FOXJ3: variants seen among roughly 807,000 people sequenced by gnomAD.
FOXJ3 encodes the protein forkhead box protein J3.
In FOXJ3, 22 loss-of-function variants were observed where a neutral mutation model predicts 76.1. That is an observed-to-expected ratio of 0.29 (90% CI 0.21 to 0.41). The LOEUF is 0.41. Among genes scored for constraint, FOXJ3 ranks in the 10% least tolerant of loss-of-function variants. FOXJ3 has a pLI of 1.00. For synonymous variants in FOXJ3, 269 were observed against 261.2 expected (o/e 1.03, Z -0.29); for missense variants, 613 against 762.1 (o/e 0.80, Z 2.30).
At chr1:42,223,754 T>G (rs1647329125) in intron 5 of FOXJ3, among the ~76,000 whole-genome samples, 1 of 152,232 alleles carries the variant, frequency 6.6e-6, no homozygotes, top group South Asian at 2.1e-4. Flanking sequence ...TGGAGGGAAT[T>G]CTGCTTTAAA....
intron 1 of FOXJ3, among the ~76,000 whole-genome samples, chr1:42,333,288 T>C (rs1351204682): frequency 6.6e-6 from 1 of 151,984 alleles, no homozygotes; most frequent in Admixed American, 6.6e-5. Context: ...ATGTACAATG[T>C]GAAAAAGTGA....
Position 42,188,875 on chromosome 1 carries a change from C to T in FOXJ3, c.1507G>A (p.Val503Ile). 6.2e-7 allele frequency: 1 copy of T among 1,612,810 alleles called. No individual in the cohort carries two copies. Residue 503 changes from valine to isoleucine, a missense_variant, in exon 11 of 13, where the codon GTT becomes ATT. Coordinates refer to ENST00000361346, the MANE Select transcript of FOXJ3 (RefSeq NM_014947.5). The part of the protein sequence containing the change: ...ADLKNWSLDQ[V>I]QFADLCSSLN... The stretch of plus-strand genomic sequence containing the variant: ...GAAGAACAAAGATCGGCAAACTGAA[C>T]CTGGTCTAAAGACCAGTTCTTGAGA...
At position 42,177,362 on chromosome 1, in the gene FOXJ3, CAA is replaced by C. The variant is rs1411666740; in HGVS notation, c.*2346_*2347del. On this transcript the variant is annotated 3_prime_UTR_variant, in exon 13 of 13. Coordinates refer to ENST00000361346, the MANE Select transcript of FOXJ3 (RefSeq NM_014947.5). ...TAAAATCATCATCAGTGGTTCTACT[CAA>C]ATCACTCAGTATGAGACTGCATTCC... 1.3e-5 allele frequency: 2 copies of C among 152,664 alleles called. No individual in the cohort carries two copies. Among genetic ancestry groups the C allele is most frequent in the African/African-American group, 4.8e-5 (2 of 41,448 alleles). 9.5% of individuals were successfully genotyped at this position (152,664 alleles called of 1,614,324 possible).
At chr1:42,309,010 A>AAAAAAAAAAAAAAATGC (rs1553169015) in intron 2 of FOXJ3, among the ~76,000 whole-genome samples, 3 of 151,678 alleles carry the variant, frequency 2.0e-5, no homozygotes, top group African/African-American at 4.8e-5. Flanking sequence ...ACAAAAAAAA[A>AAAAAAAAAAAAAAATGC]AAAAAAAATG....
intron 5 of FOXJ3, among the ~76,000 whole-genome samples, chr1:42,210,278 G>A (rs1446408107): frequency 1.3e-5 from 2 of 152,138 alleles, no homozygotes; most frequent in Admixed American, 6.5e-5. Flanking sequence ...GTGCAGACTT[G>A]CTTGACCCGG....
At position 42,178,298 on chromosome 1, in the gene FOXJ3, C is replaced by T. The variant is rs1569728465; in HGVS notation, c.*1412G>A. 6.6e-6 allele frequency: 1 copy of T among 152,134 alleles called. No individual in the cohort carries two copies. Among genetic ancestry groups the T allele is most frequent in the Non-Finnish European group, 1.5e-5 (1 of 68,040 alleles). The allele number at this position is 152,134 out of a possible 1,614,324, so 9.4% of individuals were successfully genotyped here. On this transcript the variant is annotated 3_prime_UTR_variant, in exon 13 of 13. Transcript: ENST00000361346. ...CAACCTAGATGAGTGGGGAAACCTG[C>T]TTTAGAAACCCTGCCCTGCTGTTGT...
At chr1:42,301,166 T>C (rs1270154625) in intron 2 of FOXJ3, among the ~76,000 whole-genome samples, 4 of 152,126 alleles carry the variant, frequency 2.6e-5, no homozygotes, top group Non-Finnish European at 5.9e-5. Flanking sequence ...TTGGATGCTT[T>C]ATACAATCCC....
chr1:42,274,131 A>G (rs1010672030), intron 3 of FOXJ3, among the ~76,000 whole-genome samples: 2 of 152,164 alleles, frequency 1.3e-5, no homozygotes, highest in African/African-American at 4.8e-5. Context: ...GTTCATTGCC[A>G]CACAGGTTTA....
At chr1:42,211,656 C>T (rs901279753) in intron 5 of FOXJ3, among the ~76,000 whole-genome samples, 2 of 152,116 alleles carry the variant, frequency 1.3e-5, no homozygotes, top group African/African-American at 2.4e-5. Context: ...TTTAAATGCA[C>T]GCCACTGGGG....
intron 8 of FOXJ3, among the ~76,000 whole-genome samples, chr1:42,192,641 T>C (rs1646572436): frequency 6.6e-6 from 1 of 152,146 alleles, no homozygotes; most frequent in African/African-American, 2.4e-5. Context: ...ATGTTTGTTC[T>C]CCAAGTAGTT....
At chr1:42,299,923 G>T (rs1654029096) in intron 2 of FOXJ3, among the ~76,000 whole-genome samples, 1 of 151,730 alleles carries the variant, frequency 6.6e-6, no homozygotes, top group African/African-American at 2.4e-5. Context: ...ATATATATAG[G>T]ACAGGCACAG....
At chr1:42,245,223 C>A (rs1649459088) in intron 4 of FOXJ3, among the ~76,000 whole-genome samples, 1 of 150,696 alleles carries the variant, frequency 6.6e-6, no homozygotes, top group African/African-American at 2.4e-5. Flanking sequence ...GATTACAAAG[C>A]CTTCACTGCC....
chr1:42,284,990 T>C (rs1229298125), intron 2 of FOXJ3, among the ~76,000 whole-genome samples: 3 of 152,222 alleles, frequency 2.0e-5, no homozygotes, highest in East Asian at 3.8e-4. Flanking sequence ...ACTAGATCTT[T>C]TGTTTAATGT....
At chr1:42,188,038 C>T (rs772751306) in intron 11 of FOXJ3, among the ~76,000 whole-genome samples, 38 of 152,044 alleles carry the variant, frequency 2.5e-4, no homozygotes, top group Non-Finnish European at 4.7e-4. Context: ...TTAAAGGAAG[C>T]CACTCAGGAT....
chr1:42,182,600 C>T (rs917329504), intron 11 of FOXJ3, among the ~76,000 whole-genome samples: 2 of 152,144 alleles, frequency 1.3e-5, no homozygotes, highest in African/African-American at 2.4e-5. Context: ...TGGGTTCGGG[C>T]GATTCTCCTG....
At chr1:42,328,425 C>T (rs542376637) in intron 1 of FOXJ3, among the ~76,000 whole-genome samples, 3 of 152,188 alleles carry the variant, frequency 2.0e-5, no homozygotes, top group South Asian at 2.1e-4. Context: ...TTGAGTCCCA[C>T]TCTACAAGTA....
intron 1 of FOXJ3, among the ~76,000 whole-genome samples, chr1:42,333,743 G>A (rs2124802088): frequency 6.6e-6 from 1 of 152,204 alleles, no homozygotes; most frequent in Middle Eastern, 3.4e-3. Context: ...CTCAAACCAT[G>A]TTTCAAACCA....
chr1:42,295,588 G>A (rs1054657144), intron 2 of FOXJ3, among the ~76,000 whole-genome samples: 1 of 146,112 alleles, frequency 6.8e-6, no homozygotes, highest in Non-Finnish European at 1.5e-5. Flanking sequence ...GAATGCAGTG[G>A]CGCAATCTTG....
At chr1:42,261,405 GT>G (rs907364152) in intron 4 of FOXJ3, among the ~76,000 whole-genome samples, 1 of 151,624 alleles carries the variant, frequency 6.6e-6, no homozygotes, top group East Asian at 1.9e-4. Flanking sequence ...GTGTGTGTGT[GT>G]TTTTTTTAAT....
Sources: gnomAD v4.1 joint callset for allele counts (sites outside exome capture counted in the v4.1 genomes callset) on GRCh38, gnomAD v4.1.1 for gene constraint, MANE v1.5 for transcripts, NCBI Gene and HGNC (gene_info 2026-07-23, HGNC 2026-07-21) for gene names.